Variants in NDRG2 observed in about 807,000 individuals in gnomAD.
The protein encoded by NDRG2 is NDRG family member 2, also known as protein NDRG2.
NDRG2 carries 34 observed loss-of-function variants against 58.2 expected under a neutral mutation model. The ratio of observed to expected loss-of-function variants is 0.58; its 90% CI spans 0.44 to 0.78. The LOEUF (loss-of-function observed/expected upper bound fraction) is 0.78. NDRG2 is among the 30% of genes least tolerant of loss of function. NDRG2 has a pLI of 0.00. For missense variants in NDRG2, 434 were observed against 471.2 expected (o/e 0.92, Z 0.73); for synonymous variants, 187 against 175.9 (o/e 1.06, Z -0.50).
intron 8 of NDRG2, 42 bp downstream of exon 8, chr14:21,020,454 G>C: frequency 6.5e-7 from 1 of 1,545,174 alleles, no homozygotes; most frequent in Non-Finnish European, 8.9e-7. Flanking sequence ...CCATACGAGG[G>C]GATCCCCAAC....
At chr14:21,035,065 C>T (rs914508590) in intron 1 of NDRG2, among the ~76,000 whole-genome samples, 9 of 152,208 alleles carry the variant, frequency 5.9e-5, no homozygotes, top group Admixed American at 2.0e-4. Context: ...GAGAACAGAG[C>T]ATTCGCCACT....
intron 1 of NDRG2, among the ~76,000 whole-genome samples, chr14:21,068,885 A>G (rs1886444353): frequency 6.6e-6 from 1 of 152,246 alleles, no homozygotes; most frequent in African/African-American, 2.4e-5. Context: ...GGTGGAGGTT[A>G]GCGTCCAGAG....
At chr14:21,026,924 A>G (rs1013086472), upstream of NDRG2, among the ~76,000 whole-genome samples, 12 of 152,102 alleles carry the variant, frequency 7.9e-5, no homozygotes, top group Non-Finnish European at 1.3e-4. Flanking sequence ...CACCAGAGGA[A>G]CCTGGGGAGA....
Position 21,024,799 on chromosome 14 carries a change from G to A in NDRG2, c.-776C>T. On this transcript the variant is annotated 5_prime_UTR_variant, in exon 1 of 16. Coordinates refer to ENST00000556147, the MANE Select transcript of NDRG2 (RefSeq NM_001320329.2). Reference sequence around the variant, plus strand: ...CGTCCGCGTGGAGACTGACACCCTTGCGTGGCCGGTGCCAAGCGCCCCGGA... The same window carrying A: ...CGTCCGCGTGGAGACTGACACCCTTACGTGGCCGGTGCCAAGCGCCCCGGA... 1 of 985,686 alleles carries A rather than the reference G, an allele frequency of 1.0e-6. No individual in the cohort carries two copies. Among genetic ancestry groups the A allele is most frequent in the Non-Finnish European group, 1.2e-6 (1 of 830,156 alleles). 61.1% of individuals were successfully genotyped at this position (985,686 alleles called of 1,614,324 possible).
chr14:21,047,356 T>C (rs1330845528), intron 1 of NDRG2, among the ~76,000 whole-genome samples: 1 of 152,198 alleles, frequency 6.6e-6, no homozygotes, highest in Non-Finnish European at 1.5e-5. Flanking sequence ...ATATTAACAA[T>C]AAATCCAAAT....
intron 1 of NDRG2, chr14:21,033,307 A>C (rs1285233818): frequency 6.4e-6 from 2 of 311,612 alleles, no homozygotes; most frequent in African/African-American, 4.5e-5. Flanking sequence ...AGTGAGGCTA[A>C]CATGAGTCTG....
chr14:21,022,480 T>C lies in NDRG2; in HGVS notation c.135A>G (p.Thr45=). The stretch of plus-strand genomic sequence containing the variant: ...CAGTGAAAGTGACAGAGCCGTATGG[T>C]GTCTCCACAGAGTGAGTCTGCAGGA... The part of the protein sequence containing the change: ...LDQGQTHSVE[T]PYGSVTFTVY... Residue 45 remains threonine, a synonymous_variant, in exon 4 of 16, where the codon ACA becomes ACG. Coordinates refer to ENST00000556147, the MANE Select transcript of NDRG2 (RefSeq NM_001320329.2). 1 of 1,613,942 alleles carries C rather than the reference T, an allele frequency of 6.2e-7. No homozygotes were observed. The highest frequency in any genetic ancestry group is 8.5e-7 in the Non-Finnish European group (1 of 1,179,862).
intron 4 of NDRG2, 94 bp from the exon 5 acceptor site, chr14:21,022,276 C>G (rs1880910093): frequency 4.4e-6 from 7 of 1,595,590 alleles, no homozygotes; most frequent in Non-Finnish European, 6.0e-6. Context: ...CACAGTCAGA[C>G]CAGGAGAGAA....
chr14:21,022,303 T>C (rs975744719), intron 4 of NDRG2, 89 bp downstream of exon 4: 2 of 1,575,948 alleles, frequency 1.3e-6, no homozygotes, highest in South Asian at 1.1e-5. Flanking sequence ...CTTCCCACAC[T>C]GACCCCTCCC....
chr14:21,050,794 G>A (rs1216881959), intron 1 of NDRG2, among the ~76,000 whole-genome samples: 5 of 152,176 alleles, frequency 3.3e-5, no homozygotes, highest in Admixed American at 3.3e-4. Context: ...CTTGTAATTA[G>A]GAAATAGTCA....
intron 1 of NDRG2, among the ~76,000 whole-genome samples, chr14:21,065,531 T>C (rs1169730084): frequency 2.6e-5 from 4 of 152,188 alleles, no homozygotes; most frequent in African/African-American, 4.8e-5. Context: ...TCTATTATGA[T>C]AGACAGAAAA....
chr14:21,031,783 C>G (rs952391687), intron 1 of NDRG2: 41 of 1,263,100 alleles, frequency 3.2e-5, no homozygotes, highest in Middle Eastern at 2.4e-4. Flanking sequence ...ATGCCAGTGG[C>G]AGAGCAAGAG....
At chr14:21,067,210 A>G (rs1371899127) in intron 1 of NDRG2, among the ~76,000 whole-genome samples, 2 of 152,224 alleles carry the variant, frequency 1.3e-5, no homozygotes, top group Non-Finnish European at 2.9e-5. Flanking sequence ...CTAGTTTTCC[A>G]TAAGAACCAT....
chr14:21,053,394 G>A (rs1474944302), intron 1 of NDRG2, among the ~76,000 whole-genome samples: 1 of 152,188 alleles, frequency 6.6e-6, no homozygotes, highest in African/African-American at 2.4e-5. Context: ...TGGGGAGGCC[G>A]AGGCAGGTGG....
intron 1 of NDRG2, among the ~76,000 whole-genome samples, chr14:21,066,561 C>A (rs1886280996): frequency 6.6e-6 from 1 of 152,190 alleles, no homozygotes. Flanking sequence ...GTGTTGCTCT[C>A]TTGACCACGT....
intron 1 of NDRG2, 35 bp from the exon 2 acceptor site, chr14:21,023,356 C>A: frequency 6.4e-7 from 1 of 1,566,020 alleles, no homozygotes; most frequent in Non-Finnish European, 8.7e-7. Context: ...GGGAAGTTGT[C>A]TCTACATCCC....
In NDRG2 at chr14:21,070,771, G is replaced by T; in HGVS notation, c.24+57C>A. 6.6e-7 allele frequency: 1 copy of T among 1,526,666 alleles called. No homozygotes were observed. The highest frequency in any genetic ancestry group is 1.2e-5 in the South Asian group (1 of 83,884). 94.6% of individuals were successfully genotyped at this position (1,526,666 alleles called of 1,614,324 possible). A position where few individuals can be genotyped will look rare whatever the true frequency, so the allele number is the denominator to read the frequency against. On this transcript the variant is annotated intron_variant, in intron 1 of 14. Coordinates refer to the NDRG2 transcript ENST00000403829. This position sits in a 1 kb window ranked among gnomAD's most constrained non-coding sequence, Gnocchi z 4.7. ...TCCTTACCCGCGGGAGACCCCTGCGGGTTGGTCCTGCAGCGACCCTGGAAG... is the reference window on the plus strand; with the variant it reads ...TCCTTACCCGCGGGAGACCCCTGCGTGTTGGTCCTGCAGCGACCCTGGAAG...
chr14:21,057,618 C>CATATATATATATATATATATATATAT (rs57420807), intron 1 of NDRG2, among the ~76,000 whole-genome samples: 1,609 of 122,192 alleles, frequency 0.013, 48 homozygotes, highest in Admixed American at 0.032. Flanking sequence ...TCATTTTATT[C>CATATATATATATATATATATATATAT]ATATATATAT....
chr14:21,019,049 C>G, intron 11 of NDRG2, 67 bp downstream of exon 11: 2 of 1,503,284 alleles, frequency 1.3e-6, no homozygotes, highest in African/African-American at 1.4e-5. Context: ...TCTCCTTCTT[C>G]TAAGGGACAC....
Sources: allele counts gnomAD v4.1 joint callset (sites outside exome capture counted in the v4.1 genomes callset), GRCh38; gene constraint gnomAD v4.1.1; non-coding constraint Gnocchi (gnomAD v3.1); transcripts MANE v1.5; gene names NCBI Gene and HGNC (gene_info 2026-07-23, HGNC 2026-07-21).